AKAP6: variants seen among roughly 807,000 people sequenced by gnomAD.
AKAP6 encodes the protein A-kinase anchor protein 6.
In AKAP6, 58 loss-of-function variants were observed where a neutral mutation model predicts 188.5. The ratio of observed to expected loss-of-function variants is 0.31; its 90% CI spans 0.25 to 0.38. AKAP6 has a LOEUF of 0.38. AKAP6 is among the 10% of genes least tolerant of loss of function. The pLI is 1.00. For missense variants in AKAP6, 2,710 were observed against 2,740.0 expected, an observed-to-expected ratio of 0.99 and a Z score of 0.24; for synonymous variants, 989 against 998.6, an observed-to-expected ratio of 0.99 and a Z score of 0.18.
intron 7 of AKAP6, among the ~76,000 whole-genome samples, chr14:32,627,767 C>T (rs144732259): frequency 2.1e-3 from 324 of 152,246 alleles, no homozygotes; most frequent in Non-Finnish European, 3.7e-3. Context: ...AAGTTTAACA[C>T]CACATGCAAA....
intron 1 of AKAP6, among the ~76,000 whole-genome samples, chr14:32,347,997 T>C (rs1217777905): frequency 6.6e-6 from 1 of 152,202 alleles, no homozygotes; most frequent in Admixed American, 6.5e-5. Context: ...TTCTAGGCCC[T>C]GAGGGACATT....
In AKAP6 at chr14:32,723,111, C is replaced by T. The variant is rs984455869; in HGVS notation, c.3001-9343C>T. Among the ~76,000 whole-genome samples the T allele has an allele frequency of 5.3e-5, 8 of 152,090 alleles. No individual in the cohort carries two copies. The East Asian group carries it at 5.8e-4, about 11-fold the overall frequency. On this transcript the variant is annotated intron_variant, in intron 9 of 13. Transcript: ENST00000280979. The stretch of plus-strand genomic sequence containing the variant: ...TGCAAGGGGTTTAACTGCAAGTGGC[C>T]GAGTAAACGAGCCACACCTCTATCA...
intron 7 of AKAP6, among the ~76,000 whole-genome samples, chr14:32,618,711 C>T (rs1338707553): frequency 2.0e-5 from 3 of 152,268 alleles, no homozygotes; most frequent in Non-Finnish European, 4.4e-5. Context: ...AGTAGATACC[C>T]AGTAGTGGGA....
At chr14:32,569,250 T>C (rs986983692) in intron 4 of AKAP6, among the ~76,000 whole-genome samples, 1 of 152,258 alleles carries the variant, frequency 6.6e-6, no homozygotes, top group African/African-American at 2.4e-5. Flanking sequence ...AGGAATATTT[T>C]TATATTCTAA....
rs554243560 is a variant in AKAP6, at chr14:32,456,136, T to C, written c.324+22319T>C. ...AGACTTAATAAATACATGAGTATAG[T>C]TGATTATAAAGCAGAAACAGTAATA... is the stretch of plus-strand genomic sequence containing the variant. On this transcript the variant is annotated intron_variant, in intron 2 of 13. Transcript: ENST00000280979. Among the ~76,000 whole-genome samples the C allele has an allele frequency of 7.2e-5, 11 of 152,284 alleles. No individual in the cohort carries two copies. In the East Asian group the frequency reaches 2.1e-3, roughly 29 times the overall value.
chr14:32,736,914 C>A (rs940568162), intron 11 of AKAP6, among the ~76,000 whole-genome samples: 6 of 152,270 alleles, frequency 3.9e-5, no homozygotes, highest in Admixed American at 3.9e-4. Context: ...AATAAACTAT[C>A]TGCATTGCAC....
At chr14:32,430,318 G>C (rs1594605501) in intron 1 of AKAP6, among the ~76,000 whole-genome samples, 2 of 152,202 alleles carry the variant, frequency 1.3e-5, no homozygotes, top group Non-Finnish European at 2.9e-5. Flanking sequence ...GCCAAGAAAT[G>C]TATGGAGGAT....
chr14:32,415,162 T>C (rs1008480728), intron 1 of AKAP6, among the ~76,000 whole-genome samples: 5 of 152,178 alleles, frequency 3.3e-5, no homozygotes, highest in Non-Finnish European at 7.4e-5. Flanking sequence ...ATTACACTGG[T>C]ACATAAGTCT....
chr14:32,545,561 A>T lies in AKAP6; in HGVS notation c.908A>T (p.Asp303Val), dbSNP rs763306169. The change falls in exon 4 of 14, where the codon GAC (aspartate) becomes GTC (valine). Residue 303 changes from aspartate to valine, a missense_variant. By Grantham distance (152) the Asp-to-Val change is radical. Around this residue, in one of 2 missense-constraint regions of AKAP6, gnomAD observed 2,473 missense variants for 2,426.1 expected, o/e 1.02. Transcript: ENST00000280979. ...EVSQVSLSVD[D>V]KGGCEEDNAS... ...TCTCAAGTATCTCTCTCAGTAGACG[A>T]CAAAGGTGGATGTGAGGAAGACAAT... The T allele has an allele frequency of 5.6e-6, 9 of 1,614,116 alleles. No homozygotes were observed. In the Admixed American group the frequency reaches 1.5e-4, roughly 27 times the overall value.
At chr14:32,490,971 G>A (rs187703700) in intron 2 of AKAP6, among the ~76,000 whole-genome samples, 10 of 152,194 alleles carry the variant, frequency 6.6e-5, no homozygotes, top group South Asian at 2.1e-4. Context: ...ATTTTATGTC[G>A]ATGCCTCTGG....
chr14:32,658,543 A>C (rs558123881), intron 7 of AKAP6, among the ~76,000 whole-genome samples: 2 of 152,216 alleles, frequency 1.3e-5, no homozygotes, highest in African/African-American at 4.8e-5. Context: ...TATGCATGTT[A>C]ATTAAAGCAG....
At chr14:32,355,003 C>T (rs919117019) in intron 1 of AKAP6, among the ~76,000 whole-genome samples, 11 of 152,188 alleles carry the variant, frequency 7.2e-5, no homozygotes, top group South Asian at 2.1e-4. Context: ...GTCAGGGGAA[C>T]GACAGATGGT....
intron 11 of AKAP6, among the ~76,000 whole-genome samples, chr14:32,755,599 G>T (rs1457057420): frequency 6.6e-6 from 1 of 151,780 alleles, no homozygotes; most frequent in Non-Finnish European, 1.5e-5. Flanking sequence ...ATGATCTTGG[G>T]TCACTGCAGC....
At chr14:32,359,219 A>T (rs911175930) in intron 1 of AKAP6, among the ~76,000 whole-genome samples, 6 of 152,170 alleles carry the variant, frequency 3.9e-5, no homozygotes, top group African/African-American at 1.2e-4. Flanking sequence ...GATGAAGAGC[A>T]ATTTATCCTT....
intron 12 of AKAP6, among the ~76,000 whole-genome samples, chr14:32,794,007 A>G (rs2033688976): frequency 6.6e-6 from 1 of 152,174 alleles, no homozygotes; most frequent in Admixed American, 6.6e-5. Context: ...TGGACCTGAT[A>G]GATATCTACA....
chr14:32,612,603 C>T (rs1886396119), intron 7 of AKAP6, among the ~76,000 whole-genome samples: 2 of 152,170 alleles, frequency 1.3e-5, no homozygotes, highest in Admixed American at 6.5e-5. Context: ...ACCATTTCAC[C>T]TATTTTTTCC....
intron 13 of AKAP6, among the ~76,000 whole-genome samples, chr14:32,827,290 C>T (rs1194617408): frequency 6.6e-6 from 1 of 150,754 alleles, no homozygotes; most frequent in Admixed American, 6.6e-5. Context: ...CATTTGAAAA[C>T]CATCAGTGGT....
chr14:32,615,636 C>T (rs1458748220), intron 7 of AKAP6, among the ~76,000 whole-genome samples: 1 of 140,092 alleles, frequency 7.1e-6, no homozygotes, highest in South Asian at 2.2e-4. Flanking sequence ...TGCTCTGTCA[C>T]CCAGGCTGGA....
intron 9 of AKAP6, among the ~76,000 whole-genome samples, chr14:32,699,623 A>G (rs1380294022): frequency 6.6e-6 from 1 of 152,156 alleles, no homozygotes; most frequent in African/African-American, 2.4e-5. Context: ...TATACTGCCA[A>G]TGACTTCCCT....
Sources: allele counts gnomAD v4.1 joint callset (sites outside exome capture counted in the v4.1 genomes callset), GRCh38; gene constraint gnomAD v4.1.1; regional missense constraint gnomAD v4.1.1; transcripts MANE v1.5; gene names NCBI Gene and HGNC (gene_info 2026-07-23, HGNC 2026-07-21).